The following IFIH1 variants were observed in gnomAD, a reference collection of about 807,000 sequenced individuals.
IFIH1 encodes interferon induced with helicase C domain 1.
A neutral mutation model predicts 107.4 loss-of-function variants in IFIH1; 125 were observed. The ratio of observed to expected loss-of-function variants is 1.16; its 90% CI spans 1.01 to 1.35. IFIH1 has a LOEUF of 1.35. Among genes scored for constraint, IFIH1 ranks in the 40% most tolerant of loss-of-function variants. IFIH1 has a pLI of 0.00. For synonymous variants in IFIH1, 458 were observed against 413.2 expected, an observed-to-expected ratio of 1.11 and a Z score of -1.31; for missense variants, 1,333 against 1,213.7, an observed-to-expected ratio of 1.10 and a Z score of -1.46.
chr2:162,278,092 T>A, intron 9 of IFIH1, 113 bp downstream of exon 9: 1 of 859,304 alleles, frequency 1.2e-6, no homozygotes, highest in Non-Finnish European at 1.8e-6. Flanking sequence ...AACACAGAAA[T>A]TCTATTTGGA....
At position 162,314,421 on chromosome 2, in the gene IFIH1, T is replaced by G. The variant is rs909131788; in HGVS notation, c.453+3434A>C. On this transcript the variant is annotated intron_variant, in intron 1 of 15. Transcript: ENST00000649979. ...CTCCTTTCTTTCTTTCTTTCTTTTC[T>G]TTCTTTCTTTCTTTCTTTCTTTCTT... 4.2e-3 allele frequency among the ~76,000 whole-genome samples: 306 copies of G among 73,180 alleles called. 7 individuals are homozygous for G. The highest frequency in any genetic ancestry group is 3.8e-3 in the Non-Finnish European group (156 of 41,518). 48.0% of individuals were successfully genotyped at this position (73,180 alleles called of 152,430 possible).
chr2:162,272,318 C>A lies in IFIH1; in HGVS notation c.2524G>T (p.Glu842Ter). The change falls in exon 13 of 16, where the codon GAA becomes TAA. Residue 842 changes from glutamate to a stop codon, truncating the protein, a stop_gained. Transcript: ENST00000649979. LOFTEE classifies it high-confidence loss of function. ...CGGAAATCATTAACTGTCTCATGTT[C>A]GATAACTCCTGAACCACTGTGAGCA... Reference protein sequence around the residue: ...LVAHSGSGVIEHETVNDFREK... With the variant: ...LVAHSGSGVI The A allele has an allele frequency of 6.2e-7, 1 of 1,613,110 alleles. No individual in the cohort carries two copies. The highest frequency in any genetic ancestry group is 8.5e-7 in the Non-Finnish European group (1 of 1,179,454).
At chr2:162,314,420 C>T (rs199656691) in intron 1 of IFIH1, among the ~76,000 whole-genome samples, 4,753 of 33,354 alleles carry the variant, frequency 0.14, 120 homozygotes, top group Non-Finnish European at 0.16. Flanking sequence ...TCTTTCTTTT[C>T]TTTCTTTCTT....
intron 12 of IFIH1, among the ~76,000 whole-genome samples, 190 bp downstream of exon 12, chr2:162,273,605 G>A (rs1355229901): frequency 6.6e-6 from 1 of 152,174 alleles, no homozygotes; most frequent in African/African-American, 2.4e-5. Context: ...CAGGTATCTG[G>A]TTATTATATG....
chr2:162,274,637 A>G (rs1370150854), intron 11 of IFIH1, among the ~76,000 whole-genome samples: 2 of 152,196 alleles, frequency 1.3e-5, no homozygotes, highest in Non-Finnish European at 2.9e-5. Context: ...AACTATTTTC[A>G]AATGAAAAAA....
intron 3 of IFIH1, among the ~76,000 whole-genome samples, chr2:162,296,805 T>TTTTTAAAC (rs1683091426): frequency 6.6e-6 from 1 of 152,164 alleles, no homozygotes; most frequent in African/African-American, 2.4e-5. Context: ...TCCACACCTC[T>TTTTTAAAC]TTTTAAACTT....
intron 2 of IFIH1, among the ~76,000 whole-genome samples, chr2:162,307,863 A>G (rs1683314752): frequency 6.6e-6 from 1 of 152,254 alleles, no homozygotes. Context: ...TAAATACTTT[A>G]CATACATTAA....
chr2:162,300,232 A>G (rs999747132), intron 3 of IFIH1, among the ~76,000 whole-genome samples: 3 of 152,028 alleles, frequency 2.0e-5, no homozygotes, highest in Non-Finnish European at 4.4e-5. Flanking sequence ...CCTTCTTCCT[A>G]TTTCTCTGGC....
intron 3 of IFIH1, 52 bp downstream of exon 3, chr2:162,306,657 T>C: frequency 6.6e-7 from 1 of 1,526,456 alleles, no homozygotes; most frequent in Non-Finnish European, 9.0e-7. Flanking sequence ...GCCCAGTTGG[T>C]TTTTCTGGAA....
At chr2:162,296,247 T>A (rs1254711681) in intron 3 of IFIH1, among the ~76,000 whole-genome samples, 1 of 152,100 alleles carries the variant, frequency 6.6e-6, no homozygotes, top group Non-Finnish European at 1.5e-5. Context: ...GCACGAATAA[T>A]TGATGAATTG....
chr2:162,282,602 A>G, intron 5 of IFIH1, 26 bp from the exon 6 acceptor site: 1 of 1,513,174 alleles, frequency 6.6e-7, no homozygotes, highest in South Asian at 1.2e-5. Context: ...AGATTTTTTA[A>G]AAGAGAGAAA....
At chr2:162,277,841 G>T in intron 9 of IFIH1, 148 bp from the exon 10 acceptor site, 1 of 989,242 alleles carries the variant, frequency 1.0e-6, no homozygotes, top group Non-Finnish European at 1.4e-6. Context: ...TGTGTCCTGA[G>T]CTCTGAAACA....
intron 3 of IFIH1, among the ~76,000 whole-genome samples, chr2:162,297,126 C>G (rs1683104653): frequency 6.6e-6 from 1 of 152,020 alleles, no homozygotes; most frequent in Admixed American, 6.6e-5. Context: ...CTCCTGCATT[C>G]ACTTTAAAAA....
At position 162,281,543 on chromosome 2, in the gene IFIH1, A is replaced by T. The variant is rs1446621299; in HGVS notation, c.1309T>A (p.Phe437Ile). 6.2e-7 allele frequency: 1 copy of T among 1,602,928 alleles called. No individual in the cohort carries two copies. The highest frequency in any genetic ancestry group is 8.5e-7 in the Non-Finnish European group (1 of 1,171,998). ...CATTCATCAATGATAATGAGGGAAA[A>T]GTCTTAAAAGAAAATTCAAAGAGTT... ...GEDAGVQLSD[F>I]SLIIIDECHH... Residue 437 changes from phenylalanine to isoleucine, a missense_variant and splice_region_variant, in exon 7 of 16, where the codon TTT becomes ATT. Phe to Ile is a conservative substitution (Grantham distance 21). Transcript: ENST00000649979.
intron 5 of IFIH1, among the ~76,000 whole-genome samples, chr2:162,285,964 A>G (rs1682885968): frequency 6.6e-6 from 1 of 152,012 alleles, no homozygotes; most frequent in Non-Finnish European, 1.5e-5. Context: ...CAAGGTCCAG[A>G]TAAGTCTGTG....
chr2:162,314,432 C>CTTTCT (rs1683445612), intron 1 of IFIH1, among the ~76,000 whole-genome samples: 1 of 88,052 alleles, frequency 1.1e-5, no homozygotes, highest in Non-Finnish European at 1.9e-5. Context: ...TTCTTTCTTT[C>CTTTCT]TTTCTTTCTT....
At chr2:162,273,271 C>T (rs1023556621) in intron 12 of IFIH1, among the ~76,000 whole-genome samples, 3 of 152,136 alleles carry the variant, frequency 2.0e-5, no homozygotes, top group Non-Finnish European at 1.5e-5. Context: ...GAAAACAGAA[C>T]ATTTCACTCT....
At chr2:162,302,318 G>T (rs1683208030) in intron 3 of IFIH1, among the ~76,000 whole-genome samples, 1 of 151,918 alleles carries the variant, frequency 6.6e-6, no homozygotes, top group African/African-American at 2.4e-5. Flanking sequence ...TGATAAACTG[G>T]TTCAGAAATA....
chr2:162,304,082 A>G (rs570360037), intron 3 of IFIH1, among the ~76,000 whole-genome samples: 1 of 152,350 alleles, frequency 6.6e-6, no homozygotes, highest in African/African-American at 2.4e-5. Context: ...ATGAAAAACA[A>G]CAACAACAAC....
Sources: gnomAD v4.1 joint callset for allele counts (sites outside exome capture counted in the v4.1 genomes callset) on GRCh38, gnomAD v4.1.1 for gene constraint, MANE v1.5 for transcripts, NCBI Gene and HGNC (gene_info 2026-07-23, HGNC 2026-07-21) for gene names.